The following SHROOM4 variants were observed in gnomAD, a reference collection of about 807,000 sequenced individuals.
The protein encoded by SHROOM4 is protein Shroom4.
In SHROOM4, 17 loss-of-function variants were observed where a neutral mutation model predicts 80.3. That is an observed-to-expected ratio of 0.21 (90% CI 0.14 to 0.32). The LOEUF (loss-of-function observed/expected upper bound fraction) is 0.32, where lower values mean the gene tolerates loss of function less well. Among genes scored for constraint, SHROOM4 ranks in the 10% least tolerant of loss-of-function variants. The pLI, the probability that SHROOM4 is intolerant of heterozygous loss-of-function variation, is 1.00. For missense variants in SHROOM4, 993 were observed against 1,140.3 expected, an observed-to-expected ratio of 0.87 and a Z score of 1.86; for synonymous variants, 400 against 437.5, an observed-to-expected ratio of 0.91 and a Z score of 1.07.
At chrX:50,658,371 A>C (rs1932383394) in intron 2 of SHROOM4, among the ~76,000 whole-genome samples, 1 of 111,261 alleles carries the variant, frequency 9.0e-6, no homozygotes, top group African/African-American at 3.3e-5. Flanking sequence ...ATCAGGCACC[A>C]AGACTTATTG....
Position 50,635,342 on chromosome X carries a change from T to C in SHROOM4, c.731A>G (p.Asn244Ser), listed in dbSNP as rs142189648. 3.1e-4 allele frequency: 371 copies of C among 1,200,910 alleles called. No individual in the cohort carries two copies. The East Asian group carries it at 7.8e-3, about 25-fold the overall frequency. Residue 244 changes from asparagine (N) to serine (S), a missense_variant, in exon 4 of 9, where the codon AAT becomes AGT. By Grantham distance (46) the Asn-to-Ser change is conservative. Coordinates refer to ENST00000376020, the MANE Select transcript of SHROOM4 (RefSeq NM_020717.5). ...AGAGCTGGGGGTCAGGTGGCCCCCA[T>C]TGGTGCGCCGACTACCTCCTGAGGT... ...AETSGGSRRT[N>S]GGHLTPSSQM... is the part of the protein sequence containing the mutation.
At chrX:50,715,040 T>C (rs376559797) in intron 1 of SHROOM4, among the ~76,000 whole-genome samples, 5 of 112,139 alleles carry the variant, frequency 4.5e-5, no homozygotes, top group South Asian at 7.5e-4. Context: ...TTGTTTTCTA[T>C]AGACTCTACC....
intron 2 of SHROOM4, among the ~76,000 whole-genome samples, chrX:50,654,301 C>T (rs782746588): frequency 1.8e-5 from 2 of 111,361 alleles, no homozygotes; most frequent in African/African-American, 6.5e-5. Context: ...AGGCTTTTGT[C>T]TGGTTCCACA....
At chrX:50,761,034 T>C (rs1487732377) in intron 1 of SHROOM4, among the ~76,000 whole-genome samples, 1 of 112,195 alleles carries the variant, frequency 8.9e-6, no homozygotes, top group Non-Finnish European at 1.9e-5. Context: ...TTTTAAACCC[T>C]ATTTTTTTAA....
intron 8 of SHROOM4, 62 bp downstream of exon 8, chrX:50,598,204 G>A: frequency 1.7e-6 from 2 of 1,188,306 alleles, no homozygotes; most frequent in Non-Finnish European, 1.1e-6. Context: ...TTGAAAGAGG[G>A]AGCCCTGAGA....
the SHROOM4 span, among the ~76,000 whole-genome samples, chrX:50,581,237 T>A: frequency 8.9e-6 from 1 of 112,474 alleles, no homozygotes; most frequent in African/African-American, 3.2e-5. Flanking sequence ...AATAAACTTT[T>A]AAAAATTGGC....
Position 50,607,435 on chromosome X carries a change from T to C in SHROOM4, c.3707A>G (p.Tyr1236Cys), listed in dbSNP as rs1557248723. ...QPEQAQPPCY[Y>C]GIGGLWRTSG... ...TGTCCTCCAAAGCCCACCAATGCCA[T>C]AGTAGCAAGGGGGCTGAGCCTGCTC... Residue 1236 changes from tyrosine (Y) to cysteine (C), a missense_variant, in exon 6 of 9, where the codon TAT becomes TGT. Tyr to Cys is a radical substitution (Grantham distance 194, BLOSUM62 -2). Coordinates refer to ENST00000376020, the MANE Select transcript of SHROOM4 (RefSeq NM_020717.5). 5 of 1,211,544 alleles carry C rather than the reference T, an allele frequency of 4.1e-6. No homozygotes were observed. The East Asian group carries it at 1.2e-4, about 29-fold the overall frequency.
intron 1 of SHROOM4, among the ~76,000 whole-genome samples, chrX:50,723,844 G>A (rs1013674575): frequency 9.9e-5 from 11 of 111,424 alleles, no homozygotes; most frequent in African/African-American, 3.6e-4. Flanking sequence ...CAGCTCTGGT[G>A]CCAAATTGGA....
chrX:50,636,914 T>G (rs1384294658), intron 3 of SHROOM4, among the ~76,000 whole-genome samples: 6 of 111,567 alleles, frequency 5.4e-5, no homozygotes, highest in Admixed American at 4.7e-4. Flanking sequence ...ATAAAGCAGA[T>G]AGTAAATGTA....
At position 50,795,076 on chromosome X, in the gene SHROOM4, ATATATATATAT is replaced by A. The variant is rs1935947365; in HGVS notation, c.117+18815_117+18825del. 1.6e-4 allele frequency among the ~76,000 whole-genome samples: 7 copies of A among 43,893 alleles called. 1 individual carries two copies. The highest frequency in any genetic ancestry group is 8.0e-4 in the African/African-American group (6 of 7,512). 38.1% of individuals were successfully genotyped at this position (43,893 alleles called of 115,157 possible). On this transcript the variant is annotated intron_variant, in intron 1 of 8. Transcript: ENST00000376020. ...GATATATATATGATATATATATATG[ATATATATATAT>A]GATATATATATATGATATATATATA...
intron 5 of SHROOM4, among the ~76,000 whole-genome samples, chrX:50,609,394 A>G (rs1363171203): frequency 1.8e-5 from 2 of 111,703 alleles, no homozygotes; most frequent in African/African-American, 3.3e-5. Context: ...GTATTCTGCT[A>G]CAGAAGAAAT....
intron 2 of SHROOM4, among the ~76,000 whole-genome samples, chrX:50,677,110 C>T (rs782289784): frequency 9.0e-6 from 1 of 111,153 alleles, no homozygotes; most frequent in Admixed American, 9.5e-5. Context: ...CTAGTTAGCT[C>T]CAATAGTCAA....
intron 1 of SHROOM4, among the ~76,000 whole-genome samples, chrX:50,769,402 A>G (rs1314476595): frequency 8.9e-6 from 1 of 112,380 alleles, no homozygotes; most frequent in East Asian, 2.8e-4. Flanking sequence ...CTCTCAGTTC[A>G]TAGGCCTGAA....
intron 1 of SHROOM4, among the ~76,000 whole-genome samples, chrX:50,740,629 T>C (rs1290747478): frequency 9.0e-6 from 1 of 111,495 alleles, no homozygotes; most frequent in Admixed American, 9.6e-5. Context: ...TAGAGCACCT[T>C]AGCCTAGAAC....
chrX:50,813,327 G>C (rs1175424660), intron 1 of SHROOM4, among the ~76,000 whole-genome samples: 1 of 111,949 alleles, frequency 8.9e-6, no homozygotes, highest in African/African-American at 3.2e-5. Context: ...CCGAACCGGC[G>C]GCAACAACGC....
At chrX:50,627,334 A>C (rs1427716770) in intron 5 of SHROOM4, among the ~76,000 whole-genome samples, 1 of 111,485 alleles carries the variant, frequency 9.0e-6, no homozygotes, top group Non-Finnish European at 1.9e-5. Flanking sequence ...ACAGAGAATA[A>C]AGCTATGACC....
At chrX:50,647,575 C>T (rs904605273) in intron 2 of SHROOM4, among the ~76,000 whole-genome samples, 2 of 111,849 alleles carry the variant, frequency 1.8e-5, no homozygotes, top group Non-Finnish European at 3.8e-5. Flanking sequence ...ACATTTATAG[C>T]GTCCCTTGGG....
intron 1 of SHROOM4, among the ~76,000 whole-genome samples, chrX:50,752,987 A>C (rs908345455): frequency 1.8e-5 from 2 of 112,045 alleles, no homozygotes; most frequent in South Asian, 7.5e-4. Flanking sequence ...ATAGAGAGAG[A>C]TTGGGAACCT....
In SHROOM4 at chrX:50,590,113, T is replaced by G. The variant is rs782501693; in HGVS notation, c.*6582A>C. ...TGTTTGTGTCCTCTCCAAACTCACA[T>G]GCTGAAGCCCTAATCCCCAATGTGA... On this transcript the variant is annotated 3_prime_UTR_variant, in exon 9 of 9. Coordinates refer to ENST00000376020, the MANE Select transcript of SHROOM4 (RefSeq NM_020717.5). Among the ~76,000 whole-genome samples the G allele has an allele frequency of 1.7e-4, 19 of 111,815 alleles. No individual in the cohort carries two copies. Among genetic ancestry groups the G allele is most frequent in the Non-Finnish European group, 3.2e-4 (17 of 53,177 alleles).
Sources: gnomAD v4.1 joint callset for allele counts (sites outside exome capture counted in the v4.1 genomes callset) on GRCh38, gnomAD v4.1.1 for gene constraint, MANE v1.5 for transcripts, NCBI Gene and HGNC (gene_info 2026-07-23, HGNC 2026-07-21) for gene names.